The following ZNF587 variants were observed in gnomAD, a reference collection of about 807,000 sequenced individuals.
The protein encoded by ZNF587 is zinc finger protein 587, also known as zinc finger protein zfp6.
A neutral mutation model predicts 7.5 loss-of-function variants in ZNF587; 8 were observed. The observed-to-expected ratio is 1.06, with a 90% confidence interval of 0.62 to 1.92. The LOEUF (loss-of-function observed/expected upper bound fraction) is 1.92, where lower values mean the gene tolerates loss of function less well. Ranked by LOEUF, ZNF587 falls within the 40% of genes most tolerant of loss-of-function variation. The probability of loss-of-function intolerance (pLI) is 0.00; values close to 1 mark genes in which losing one functional copy is unlikely to be tolerated. For synonymous variants in ZNF587, 145 were observed against 237.8 expected (o/e 0.61, Z 3.59); for missense variants, 468 against 692.8 (o/e 0.68, Z 3.64).
rs1200542581 is a variant in ZNF587, at chr19:57,862,014, T to C, written c.*1874T>C. ...CTCTCTACCTTCTGAGCTCAAGTGA[T>C]CCACCTGCCTCGGCCTCCCAAAGTG... On this transcript the variant is annotated 3_prime_UTR_variant, in exon 3 of 3. Coordinates refer to ENST00000339656, the MANE Select transcript of ZNF587 (RefSeq NM_032828.4). The C allele has an allele frequency of 1.3e-5, 2 of 152,118 alleles. No homozygotes were observed. Among genetic ancestry groups the C allele is most frequent in the East Asian group, 3.9e-4 (2 of 5,182 alleles). 9.4% of individuals were successfully genotyped at this position (152,118 alleles called of 1,614,324 possible). A position where few individuals can be genotyped will look rare whatever the true frequency, so the allele number is the denominator to read the frequency against.
Position 57,861,700 on chromosome 19 carries a change from A to T in ZNF587, c.*1560A>T, listed in dbSNP as rs1600126770. On this transcript the variant is annotated 3_prime_UTR_variant, in exon 3 of 3. Coordinates refer to ENST00000339656, the MANE Select transcript of ZNF587 (RefSeq NM_032828.4). ...TCATTAATATATTTAAAAATAATGAAATAACAAAGACGTATGTTGGACTTC... is the reference window on the plus strand; with the variant it reads ...TCATTAATATATTTAAAAATAATGATATAACAAAGACGTATGTTGGACTTC... 8 of 152,142 alleles carry T rather than the reference A, an allele frequency of 5.3e-5. 1 individual carries two copies. The South Asian group carries it at 1.7e-3, about 31-fold the overall frequency. 9.4% of individuals were successfully genotyped at this position (152,142 alleles called of 1,614,324 possible).
intron 1 of ZNF587, chr19:57,852,468 A>T (rs1320336840): frequency 1.3e-5 from 5 of 398,472 alleles, no homozygotes; most frequent in Admixed American, 8.8e-5. Flanking sequence ...GGATCAGATA[A>T]GTGGTAAATC....
In ZNF587 at chr19:57,862,629, C is replaced by G. The variant is rs926400425; in HGVS notation, c.*2489C>G. The G allele has an allele frequency of 3.2e-5, 5 of 154,878 alleles. No homozygotes were observed. The highest frequency in any genetic ancestry group is 7.3e-5 in the Non-Finnish European group (5 of 68,256). 9.6% of individuals were successfully genotyped at this position (154,878 alleles called of 1,614,324 possible). The stretch of plus-strand genomic sequence containing the variant: ...GGTCACATGCCCATTTCCCCACTTG[C>G]ATGAATGTCGACACTGCAGCCACAG... On this transcript the variant is annotated 3_prime_UTR_variant, in exon 3 of 3. Coordinates refer to ENST00000339656, the MANE Select transcript of ZNF587 (RefSeq NM_032828.4).
intron 1 of ZNF587, chr19:57,852,432 C>G (rs2071292063): frequency 2.5e-6 from 1 of 398,560 alleles, no homozygotes; most frequent in Admixed American, 4.4e-5. Flanking sequence ...GATAAGGCTC[C>G]TGCCATAATC....
chr19:57,854,317 G>A (rs1425149770), intron 1 of ZNF587, among the ~76,000 whole-genome samples: 1 of 151,814 alleles, frequency 6.6e-6, no homozygotes, highest in Admixed American at 6.6e-5. Context: ...ATGTGGTTCT[G>A]TGTGGCTATG....
At chr19:57,857,883 G>A (rs1190387655) in intron 2 of ZNF587, among the ~76,000 whole-genome samples, 1 of 151,772 alleles carries the variant, frequency 6.6e-6, no homozygotes. Context: ...TGATCTGCCC[G>A]CCTCGGCCTT....
At chr19:57,850,253 G>C in intron 1 of ZNF587, 182 bp downstream of exon 1, 1 of 1,040,552 alleles carries the variant, frequency 9.6e-7, no homozygotes, top group South Asian at 1.5e-5. Context: ...TGCCTAGACA[G>C]AGCCGATTTA....
At chr19:57,852,217 A>G in intron 1 of ZNF587, 2 of 396,236 alleles carry the variant, frequency 5.0e-6, no homozygotes, top group Non-Finnish European at 8.9e-6. Flanking sequence ...GACAGGTTAT[A>G]TGGAGGTATT....
At chr19:57,850,385 A>T (rs2071266596) in intron 1 of ZNF587, 1 of 578,052 alleles carries the variant, frequency 1.7e-6, no homozygotes, top group African/African-American at 1.9e-5. Flanking sequence ...AGAGTTTTCA[A>T]AATTTGGCGG....
Position 57,857,554 on chromosome 19 carries a change from T to C in ZNF587, c.164-1022T>C, listed in dbSNP as rs192655031. Among the ~76,000 whole-genome samples, 932 of 152,084 alleles carry C rather than the reference T, an allele frequency of 6.1e-3. 6 individuals carry two copies. The highest frequency in any genetic ancestry group is 7.8e-3 in the Non-Finnish European group (531 of 68,024). On this transcript the variant is annotated intron_variant, in intron 2 of 2. Coordinates refer to ENST00000339656, the MANE Select transcript of ZNF587 (RefSeq NM_032828.4). ...GACCACCCCTGCTGTGTTGTACTCATGTTTTCTTGGTCTTCACATGTTTCT... is the reference window on the plus strand; with the variant it reads ...GACCACCCCTGCTGTGTTGTACTCACGTTTTCTTGGTCTTCACATGTTTCT...
In ZNF587 at chr19:57,849,880, A is replaced by G; in HGVS notation, c.-159A>G. ...CTCTAGTAGCGGCTGTGTATCGGCGATGCGGGTGTTTCCCCAGTTTGTGGC... is the reference window on the plus strand; with the variant it reads ...CTCTAGTAGCGGCTGTGTATCGGCGGTGCGGGTGTTTCCCCAGTTTGTGGC... On this transcript the variant is annotated 5_prime_UTR_variant, in exon 1 of 3. An upstream start codon of the reference 5' UTR is lost. Transcript: ENST00000339656. The G allele has an allele frequency of 6.6e-7, 1 of 1,508,680 alleles. No homozygotes were observed. Among genetic ancestry groups the G allele is most frequent in the East Asian group, 2.4e-5 (1 of 41,632 alleles). 93.5% of individuals were successfully genotyped at this position (1,508,680 alleles called of 1,614,324 possible).
chr19:57,853,317 C>T (rs1192964873), intron 1 of ZNF587, among the ~76,000 whole-genome samples: 4 of 152,076 alleles, frequency 2.6e-5, no homozygotes, highest in Non-Finnish European at 5.9e-5. Flanking sequence ...TTGTTTTGGC[C>T]ATATGAAGAA....
At chr19:57,854,369 C>T (rs1266359779) in intron 1 of ZNF587, among the ~76,000 whole-genome samples, 1 of 151,808 alleles carries the variant, frequency 6.6e-6, no homozygotes, top group Non-Finnish European at 1.5e-5. Flanking sequence ...TTGGGATTAC[C>T]ACTGCTATTG....
rs2071423096 is a variant in ZNF587, at chr19:57,860,754, GTC to G, written c.*616_*617del. 1 of 154,794 alleles carries G rather than the reference GTC, an allele frequency of 6.5e-6. No homozygotes were observed. The highest frequency in any genetic ancestry group is 2.0e-4 in the South Asian group (1 of 5,060). 9.6% of individuals were successfully genotyped at this position (154,794 alleles called of 1,614,324 possible). A position where few individuals can be genotyped will look rare whatever the true frequency, so the allele number is the denominator to read the frequency against. On this transcript the variant is annotated 3_prime_UTR_variant, in exon 3 of 3. Coordinates refer to ENST00000339656, the MANE Select transcript of ZNF587 (RefSeq NM_032828.4). ...AAAGAATGACATGCTTCTTGTTTTT[GTC>G]TGTTATAAATGAAACTGCTATATTT...
At position 57,864,497 on chromosome 19, in the gene ZNF587, G is replaced by A. The variant is rs2071480692; in HGVS notation, c.*4357G>A. 1 of 151,932 alleles carries A rather than the reference G, an allele frequency of 6.6e-6. No individual in the cohort carries two copies. The highest frequency in any genetic ancestry group is 2.1e-4 in the South Asian group (1 of 4,828). 9.4% of individuals were successfully genotyped at this position (151,932 alleles called of 1,614,324 possible). ...TAAAGGCATGGCACTTGAGAAATGT[G>A]AATAAGATTGTAAGTTACAAATAGC... On this transcript the variant is annotated 3_prime_UTR_variant, in exon 3 of 3. Coordinates refer to ENST00000339656, the MANE Select transcript of ZNF587 (RefSeq NM_032828.4).
At chr19:57,856,003 G>A in intron 1 of ZNF587, 101 bp from the exon 2 acceptor site, 3 of 1,555,084 alleles carry the variant, frequency 1.9e-6, no homozygotes, top group Non-Finnish European at 1.7e-6. Context: ...TCCGTGTTGG[G>A]GACCTTGGGA....
chr19:57,850,491 G>A, intron 1 of ZNF587: 1 of 495,252 alleles, frequency 2.0e-6, no homozygotes, highest in Non-Finnish European at 3.6e-6. Flanking sequence ...TCTGTTCTGG[G>A]TGGGATGGCA....
intron 1 of ZNF587, among the ~76,000 whole-genome samples, chr19:57,855,686 C>T (rs559597122): frequency 1.1e-4 from 17 of 151,864 alleles, no homozygotes; most frequent in African/African-American, 3.4e-4. Flanking sequence ...CTCAGCCTCC[C>T]GAGTAGCTGG....
At chr19:57,850,596 G>A in intron 1 of ZNF587, 1 of 402,112 alleles carries the variant, frequency 2.5e-6, no homozygotes, top group Non-Finnish European at 4.4e-6. Flanking sequence ...CTTAGATATT[G>A]GGGAAACCAG....
Sources: gnomAD v4.1 joint callset for allele counts (sites outside exome capture counted in the v4.1 genomes callset) on GRCh38, gnomAD v4.1.1 for gene constraint, MANE v1.5 for transcripts, NCBI Gene and HGNC (gene_info 2026-07-23, HGNC 2026-07-21) for gene names.